The following TIMD4 variants were observed in gnomAD, a reference collection of about 807,000 sequenced individuals.
TIMD4 encodes the protein T-cell immunoglobulin and mucin domain-containing protein 4.
TIMD4 carries 31 observed loss-of-function variants against 41.2 expected under a neutral mutation model. That is an observed-to-expected ratio of 0.75 (90% confidence interval 0.57 to 1.01). TIMD4 has a LOEUF of 1.01. Among genes scored for constraint, TIMD4 ranks in the 50% least tolerant of loss-of-function variants. The pLI, the probability that TIMD4 is intolerant of heterozygous loss-of-function variation, is 0.00. For synonymous variants in TIMD4, 204 were observed against 177.1 expected (o/e 1.15, Z -1.21); for missense variants, 479 against 472.5 (o/e 1.01, Z -0.13).
intron 1 of TIMD4, among the ~76,000 whole-genome samples, chr5:156,957,512 C>CAAA (rs3068101): frequency 8.8e-6 from 1 of 113,854 alleles, no homozygotes; most frequent in African/African-American, 3.5e-5. Flanking sequence ...GAGTCTATCT[C>CAAA]AAAAAAAAAA....
chr5:156,935,054 G>A (rs1759513842), intron 5 of TIMD4, among the ~76,000 whole-genome samples: 1 of 152,068 alleles, frequency 6.6e-6, no homozygotes, highest in South Asian at 2.1e-4. Context: ...GGTAGCCTCG[G>A]GCTTACGCTG....
chr5:156,921,107 C>A (rs1219242794), intron 7 of TIMD4, among the ~76,000 whole-genome samples: 3 of 83,324 alleles, frequency 3.6e-5, no homozygotes, highest in African/African-American at 1.5e-4. Context: ...GTTTTTGTAG[C>A]ATTTTAAAAC....
Position 156,954,492 on chromosome 5 carries a change from C to G in TIMD4, c.323G>C (p.Gly108Ala). Residue 108 changes from glycine (G) to alanine (A), a missense_variant, in exon 2 of 9, where the codon GGT becomes GCT. Physicochemically the swap from Gly to Ala is moderately conservative, Grantham distance 60 (BLOSUM62 0). Transcript: ENST00000274532. ...TILNPSESDS[G>A]VYCCRIEVPG... The stretch of plus-strand genomic sequence containing the variant: ...CACTTCTATGCGGCAGCAGTACACA[C>G]CGCTGTCACTTTCACTGGGGTTTAA... 1 of 1,614,244 alleles carries G rather than the reference C, an allele frequency of 6.2e-7. No individual in the cohort carries two copies. The highest frequency in any genetic ancestry group is 1.1e-5 in the South Asian group (1 of 91,082).
intron 5 of TIMD4, among the ~76,000 whole-genome samples, chr5:156,944,495 CTTTTTTT>C (rs5872492): frequency 1.4e-5 from 1 of 69,096 alleles, no homozygotes; most frequent in South Asian, 7.9e-4. Flanking sequence ...GCTGTGTGAT[CTTTTTTT>C]TTTTTTTTTT....
intron 5 of TIMD4, among the ~76,000 whole-genome samples, chr5:156,927,967 T>C (rs1163019635): frequency 6.6e-6 from 1 of 152,156 alleles, no homozygotes; most frequent in Non-Finnish European, 1.5e-5. Context: ...AATACTGATT[T>C]GGGAGTCATC....
intron 5 of TIMD4, among the ~76,000 whole-genome samples, chr5:156,932,082 T>C (rs1759453928): frequency 6.6e-6 from 1 of 152,232 alleles, no homozygotes; most frequent in Non-Finnish European, 1.5e-5. Context: ...TATGTATTCT[T>C]AAATATTTGC....
At chr5:156,940,835 A>G (rs1369068348) in intron 5 of TIMD4, among the ~76,000 whole-genome samples, 2 of 152,260 alleles carry the variant, frequency 1.3e-5, no homozygotes. Flanking sequence ...GCTCATTGAG[A>G]AGGGGCCATG....
At chr5:156,946,986 T>C (rs890525892) in intron 5 of TIMD4, among the ~76,000 whole-genome samples, 2 of 151,830 alleles carry the variant, frequency 1.3e-5, no homozygotes, top group African/African-American at 2.4e-5. Context: ...TCACCTGAGC[T>C]TAGGAGTTCA....
chr5:156,923,447 C>T, intron 6 of TIMD4, among the ~76,000 whole-genome samples: 1 of 141,902 alleles, frequency 7.0e-6, no homozygotes, highest in South Asian at 2.2e-4. Context: ...CTGCACCCGG[C>T]CTAAAAAAAT....
At chr5:156,961,976 GAA>G (rs1172610178) in intron 1 of TIMD4, among the ~76,000 whole-genome samples, 3 of 152,022 alleles carry the variant, frequency 2.0e-5, no homozygotes, top group African/African-American at 7.2e-5. Context: ...GCTAGGCACA[GAA>G]AGACAAATAT....
intron 5 of TIMD4, among the ~76,000 whole-genome samples, chr5:156,932,350 G>A (rs577984153): frequency 9.2e-5 from 14 of 152,146 alleles, no homozygotes; most frequent in Non-Finnish European, 1.5e-4. Context: ...GCGTCAAAGC[G>A]ACCTTCTATG....
chr5:156,960,596 G>A (rs1043416586), intron 1 of TIMD4, among the ~76,000 whole-genome samples: 8 of 151,962 alleles, frequency 5.3e-5, no homozygotes, highest in Non-Finnish European at 1.2e-4. Context: ...TAGTAGAGAC[G>A]GGGTTTCACC....
Position 156,919,520 on chromosome 5 carries a change from A to G in TIMD4, c.1074T>C (p.Ser358=). The G allele has an allele frequency of 6.2e-7, 1 of 1,613,976 alleles. No individual in the cohort carries two copies. Among genetic ancestry groups the G allele is most frequent in the South Asian group, 1.1e-5 (1 of 91,076 alleles). ...GCTGCACGTCATTGAGGACATTTTT[A>G]CTATCTCCAATGTAGTCTAGCCTGT... ...KHTRLDYIGD[S]KNVLNDVQHG... is the part of the protein sequence containing the mutation. Residue 358 remains serine (S), a synonymous_variant, in exon 9 of 9, where the codon AGT becomes AGC. Coordinates refer to ENST00000274532, the MANE Select transcript of TIMD4 (RefSeq NM_138379.3).
At chr5:156,954,847 A>C in intron 1 of TIMD4, 91 bp from the exon 2 acceptor site, 1 of 1,068,966 alleles carries the variant, frequency 9.4e-7, no homozygotes, top group Non-Finnish European at 1.3e-6. Flanking sequence ...GCTTCCAGGA[A>C]GATGAAGAAA....
chr5:156,941,017 C>G (rs1759640978), intron 5 of TIMD4, among the ~76,000 whole-genome samples: 1 of 152,154 alleles, frequency 6.6e-6, no homozygotes, highest in Non-Finnish European at 1.5e-5. Context: ...AACCTTACCC[C>G]CAAGCCCCTG....
At chr5:156,962,925 C>A (rs995205023) in intron 1 of TIMD4, among the ~76,000 whole-genome samples, 9 of 152,046 alleles carry the variant, frequency 5.9e-5, no homozygotes, top group African/African-American at 2.2e-4. Flanking sequence ...CCCAAATTAC[C>A]CCAGCCTAAA....
intron 4 of TIMD4, 89 bp from the exon 5 acceptor site, chr5:156,948,588 C>A: frequency 1.3e-6 from 1 of 750,856 alleles, no homozygotes; most frequent in Non-Finnish European, 1.9e-6. Context: ...ATACTGACTT[C>A]TGTCATTGAA....
chr5:156,948,607 A>G, intron 4 of TIMD4, 108 bp from the exon 5 acceptor site: 1 of 532,418 alleles, frequency 1.9e-6, no homozygotes, highest in African/African-American at 2.0e-5. Flanking sequence ...AAAACAAAAC[A>G]AAACAAAACA....
chr5:156,949,220 G>A (rs1055746607), intron 4 of TIMD4, among the ~76,000 whole-genome samples: 3 of 152,024 alleles, frequency 2.0e-5, no homozygotes, highest in Non-Finnish European at 2.9e-5. Flanking sequence ...ACCAATTCTC[G>A]CTCCACTCTA....
Sources: allele counts gnomAD v4.1 joint callset (sites outside exome capture counted in the v4.1 genomes callset), GRCh38; gene constraint gnomAD v4.1.1; transcripts MANE v1.5; gene names NCBI Gene and HGNC (gene_info 2026-07-23, HGNC 2026-07-21).